Variants in RADX observed in about 807,000 individuals in gnomAD.
RADX encodes the protein RPA-related protein RADX.
Under a neutral mutation model 61.6 loss-of-function variants are expected in RADX, and 36 were observed. That is an observed-to-expected ratio of 0.58 (90% CI 0.45 to 0.77). The LOEUF is 0.77. RADX is among the 30% of genes least tolerant of loss of function. The pLI is 0.00. For synonymous variants in RADX, 272 were observed against 237.9 expected (o/e 1.14, Z -1.32); for missense variants, 497 against 651.1 (o/e 0.76, Z 2.58).
At chrX:106,635,351 C>G (rs987995529) in intron 6 of RADX, among the ~76,000 whole-genome samples, 22 of 110,984 alleles carry the variant, frequency 2.0e-4, no homozygotes, top group African/African-American at 6.9e-4. Flanking sequence ...TTAGATCTGA[C>G]TCTCAGATTT....
intron 12 of RADX, among the ~76,000 whole-genome samples, chrX:106,666,978 A>G (rs953462695): frequency 7.1e-5 from 8 of 112,319 alleles, no homozygotes; most frequent in Admixed American, 1.9e-4. Context: ...ACTCAATTTA[A>G]GAAATATTTA....
Position 106,662,013 on chromosome X carries a change from A to T in RADX, c.1979-2A>T. On this transcript the variant is annotated splice_acceptor_variant, in intron 11 of 13. Transcript: ENST00000372548. LOFTEE classifies it high-confidence loss of function. ...GTGTCTATCTCCTTGTGTCTTTAAC[A>T]GGTCGAGCAAATATAAATGCTAATC... The T allele has an allele frequency of 8.3e-7, 1 of 1,206,823 alleles. No individual in the cohort carries two copies. The highest frequency in any genetic ancestry group is 1.1e-6 in the Non-Finnish European group (1 of 892,395).
At chrX:106,622,594 C>A in intron 1 of RADX, 57 bp from the exon 2 acceptor site, 6 of 958,054 alleles carry the variant, frequency 6.3e-6, no homozygotes, top group Non-Finnish European at 8.8e-6. Context: ...TAAAATAGAT[C>A]TTTGAAGTTA....
chrX:106,644,683 G>T (rs1211595579), intron 10 of RADX, among the ~76,000 whole-genome samples: 1 of 110,844 alleles, frequency 9.0e-6, no homozygotes, highest in African/African-American at 3.3e-5. Context: ...ATTTTGTTGA[G>T]GATTTTTGTA....
intron 11 of RADX, among the ~76,000 whole-genome samples, chrX:106,660,312 A>G (rs1163984329): frequency 8.9e-6 from 1 of 112,056 alleles, no homozygotes; most frequent in Non-Finnish European, 1.9e-5. Flanking sequence ...ACTCTTTTGT[A>G]GTATTGCAAT....
At chrX:106,621,268 A>C (rs915621600) in intron 1 of RADX, among the ~76,000 whole-genome samples, 1 of 112,315 alleles carries the variant, frequency 8.9e-6, no homozygotes, top group Non-Finnish European at 1.9e-5. Flanking sequence ...AATACTAAAA[A>C]TTGTGTGTGT....
intron 11 of RADX, among the ~76,000 whole-genome samples, chrX:106,649,106 A>G (rs183739699): frequency 1.4e-4 from 16 of 111,362 alleles, no homozygotes; most frequent in Non-Finnish European, 2.5e-4. Flanking sequence ...CTTACCTATT[A>G]GATTTATGTG....
At chrX:106,616,716 T>C (rs1459987090) in intron 1 of RADX, among the ~76,000 whole-genome samples, 1 of 111,680 alleles carries the variant, frequency 9.0e-6, no homozygotes, top group Non-Finnish European at 1.9e-5. Context: ...CAATGGTTTT[T>C]CTTTAGTGTT....
chrX:106,665,029 A>C (rs890217641), intron 12 of RADX, among the ~76,000 whole-genome samples: 1 of 112,075 alleles, frequency 8.9e-6, no homozygotes. Context: ...ATGAGAGCTG[A>C]ATATCGGATG....
intron 11 of RADX, among the ~76,000 whole-genome samples, chrX:106,660,469 G>A (rs1221238888): frequency 2.7e-5 from 3 of 112,029 alleles, no homozygotes; most frequent in African/African-American, 6.5e-5. Flanking sequence ...ATGTAATAAA[G>A]TCTGATAATC....
chrX:106,612,649 C>A lies in RADX; in HGVS notation c.569C>A (p.Ala190Glu). The A allele has an allele frequency of 8.3e-7, 1 of 1,210,211 alleles. No individual in the cohort carries two copies. The highest frequency in any genetic ancestry group is 1.1e-6 in the Non-Finnish European group (1 of 894,762). ...PLRGGKSHYL[A>E]LWNNEDPYGD... ...AGAGGCGGGAAGAGTCATTACCTGG[C>A]GCTGTGGAATAACGAAGATCCCTAT... Residue 190 changes from alanine (A) to glutamate (E), a missense_variant, in exon 1 of 14, where the codon GCG (alanine) becomes GAG (glutamate). Ala to Glu is a moderately radical substitution (Grantham distance 107, BLOSUM62 -1). Transcript: ENST00000372548.
At chrX:106,667,294 G>A (rs1928253185) in intron 12 of RADX, among the ~76,000 whole-genome samples, 1 of 111,124 alleles carries the variant, frequency 9.0e-6, no homozygotes, top group African/African-American at 3.3e-5. Flanking sequence ...TTTGTACTTT[G>A]AACTCTAGTG....
At chrX:106,677,289 T>G (rs1928534574) in intron 13 of RADX, among the ~76,000 whole-genome samples, 1 of 111,995 alleles carries the variant, frequency 8.9e-6, no homozygotes, top group Non-Finnish European at 1.9e-5. Flanking sequence ...TGAGGAGTGA[T>G]AGGCAGGCAA....
At chrX:106,656,448 G>A (rs1253357761) in intron 11 of RADX, among the ~76,000 whole-genome samples, 1 of 112,070 alleles carries the variant, frequency 8.9e-6, no homozygotes, top group Non-Finnish European at 1.9e-5. Flanking sequence ...CATCTAGAAT[G>A]GTGAATCCTT....
chrX:106,653,315 G>T (rs892415090), intron 11 of RADX, among the ~76,000 whole-genome samples: 1 of 110,547 alleles, frequency 9.0e-6, no homozygotes, highest in Non-Finnish European at 1.9e-5. Flanking sequence ...GAAGTAAAGT[G>T]TTATGAAAAA....
intron 13 of RADX, among the ~76,000 whole-genome samples, chrX:106,671,529 T>C (rs746290850): frequency 1.8e-5 from 2 of 111,880 alleles, no homozygotes; most frequent in African/African-American, 6.5e-5. Context: ...TCATTCTTTT[T>C]ATGGCTAAAT....
intron 1 of RADX, among the ~76,000 whole-genome samples, chrX:106,617,443 A>G (rs1411062985): frequency 1.8e-5 from 2 of 111,684 alleles, no homozygotes; most frequent in African/African-American, 6.5e-5. Context: ...CTTATTTTTA[A>G]TCTACTTTAT....
At chrX:106,673,386 G>A (rs187793067) in intron 13 of RADX, among the ~76,000 whole-genome samples, 2 of 110,670 alleles carry the variant, frequency 1.8e-5, no homozygotes, top group East Asian at 2.9e-4. Flanking sequence ...AAGGCACTGG[G>A]TTCCCTCCTG....
chrX:106,617,051 G>T (rs1926826093), intron 1 of RADX, among the ~76,000 whole-genome samples: 1 of 71,778 alleles, frequency 1.4e-5, no homozygotes. Context: ...TTTTGACAGA[G>T]TCTCATTCTG....
Sources: allele counts gnomAD v4.1 joint callset (sites outside exome capture counted in the v4.1 genomes callset), GRCh38; gene constraint gnomAD v4.1.1; transcripts MANE v1.5; gene names NCBI Gene and HGNC (gene_info 2026-07-23, HGNC 2026-07-21).